The following ORAI2 variants were observed in gnomAD, a reference collection of about 807,000 sequenced individuals.
ORAI2 encodes the protein ORAI calcium release-activated calcium modulator 2.
Under a neutral mutation model 16.2 loss-of-function variants are expected in ORAI2, and 10 were observed. The ratio of observed to expected loss-of-function variants is 0.62; its 90% CI spans 0.38 to 1.04. The LOEUF (loss-of-function observed/expected upper bound fraction) is 1.04. Among genes scored for constraint, ORAI2 ranks in the 50% least tolerant of loss-of-function variants. The pLI is 0.01. For missense variants in ORAI2, 238 were observed against 355.5 expected (o/e 0.67, Z 2.66); for synonymous variants, 150 against 157.5 (o/e 0.95, Z 0.35).
rs538950325 is a variant in ORAI2 at position 102,440,528 on chromosome 7, ATTTGTTTTTTGT to A, written c.225+1357_225+1368del. Among the ~76,000 whole-genome samples the A allele has an allele frequency of 2.3e-3, 348 of 152,050 alleles. 2 individuals carry two copies. Among genetic ancestry groups the A allele is most frequent in the African/African-American group, 7.9e-3 (326 of 41,468 alleles). On this transcript the variant is annotated intron_variant, in intron 3 of 3. Transcript: ENST00000495936. ...AGGTCCTATTGGGTGGAAGTGATTT[ATTTGTTTTTTGT>A]TTTGTTTTTAGAGACAGGGTCCCAC...
intron 3 of ORAI2, among the ~76,000 whole-genome samples, chr7:102,445,971 CAG>C (rs1456120315): frequency 2.7e-5 from 4 of 150,520 alleles, no homozygotes; most frequent in African/African-American, 7.3e-5. Flanking sequence ...TCTTTTGAGA[CAG>C]AGTCTCACTG....
rs903307838 is a variant in ORAI2, at chr7:102,453,390, A to T, written c.*6338A>T. The T allele has an allele frequency of 6.6e-6, 1 of 152,090 alleles. No homozygotes were observed. Among genetic ancestry groups the T allele is most frequent in the African/African-American group, 2.4e-5 (1 of 41,392 alleles). The allele number at this position is 152,090 out of a possible 1,614,324, so 9.4% of individuals were successfully genotyped here. On this transcript the variant is annotated 3_prime_UTR_variant, in exon 4 of 4. Transcript: ENST00000495936. ...CCTCCTAAAGTGCTGGATTACAGGC[A>T]TGAGCCACCGTGCCAGGCCTTGTTA...
chr7:102,438,593 G>A (rs113181965), intron 2 of ORAI2, among the ~76,000 whole-genome samples: 8,279 of 152,212 alleles, frequency 0.054, 285 homozygotes, highest in Non-Finnish European at 0.075. Flanking sequence ...TGGCCAACAT[G>A]ATGAAACCCC....
intron 2 of ORAI2, among the ~76,000 whole-genome samples, chr7:102,436,796 C>T (rs956702648): frequency 1.3e-5 from 2 of 152,094 alleles, no homozygotes; most frequent in African/African-American, 2.4e-5. Flanking sequence ...CTGCAACCTC[C>T]GCCTTCTGGG....
At position 102,441,085 on chromosome 7, in the gene ORAI2, G is replaced by T. The variant is rs573287325; in HGVS notation, c.225+1904G>T. Among the ~76,000 whole-genome samples, 16 of 151,474 alleles carry T rather than the reference G, an allele frequency of 1.1e-4. 1 individual carries two copies. In the South Asian group the frequency reaches 3.3e-3, roughly 32 times the overall value. On this transcript the variant is annotated intron_variant, in intron 3 of 3. Transcript: ENST00000495936. ...TTTTGATATTCTTAGTAGAGATGGG[G>T]TTTCACCATGTTGGCCAGGCTGGGC... is the stretch of plus-strand genomic sequence containing the variant.
chr7:102,444,205 T>A (rs112043977), intron 3 of ORAI2, among the ~76,000 whole-genome samples: 128 of 152,270 alleles, frequency 8.4e-4, no homozygotes, highest in African/African-American at 3.0e-3. Flanking sequence ...CTGCAGCCTC[T>A]AACTCCGGGG....
At chr7:102,435,862 T>C (rs1048278379) in intron 1 of ORAI2, among the ~76,000 whole-genome samples, 1 of 152,146 alleles carries the variant, frequency 6.6e-6, no homozygotes, top group Non-Finnish European at 1.5e-5. Context: ...CTCGAACTCC[T>C]GACCTCTAGT....
chr7:102,443,125 CTTCTTCTTTTTT>C (rs1326590660), intron 3 of ORAI2, among the ~76,000 whole-genome samples: 6 of 26,622 alleles, frequency 2.3e-4, no homozygotes, highest in African/African-American at 4.4e-4. Flanking sequence ...TCTTCTTCTT[CTTCTTCTTTTTT>C]TTTTTTTTAA....
In ORAI2 at chr7:102,433,660, C is replaced by G. The variant is rs1323358299; in HGVS notation, c.-124C>G. On this transcript the variant is annotated splice_region_variant and 5_prime_UTR_variant, in exon 1 of 4. Transcript: ENST00000495936. This position sits in a 1 kb window ranked among gnomAD's most constrained non-coding sequence, Gnocchi z 4.6. ...GAGCCGGGCGGGGCGAGGGCAGCTCCGGTGAGTGTGGCGGCGCGGGGGCCT... is the reference window on the plus strand; with the variant it reads ...GAGCCGGGCGGGGCGAGGGCAGCTCGGGTGAGTGTGGCGGCGCGGGGGCCT... 1 of 151,560 alleles carries G rather than the reference C, an allele frequency of 6.6e-6. No homozygotes were observed. The highest frequency in any genetic ancestry group is 2.4e-5 in the African/African-American group (1 of 41,234). 9.4% of individuals were successfully genotyped at this position (151,560 alleles called of 1,614,324 possible). A position where few individuals can be genotyped will look rare whatever the true frequency, so the allele number is the denominator to read the frequency against.
chr7:102,440,717 T>C (rs563154857), intron 3 of ORAI2, among the ~76,000 whole-genome samples: 9 of 151,986 alleles, frequency 5.9e-5, no homozygotes, highest in Admixed American at 2.6e-4. Context: ...TTTTTCTTTT[T>C]TCAGAGACAA....
intron 2 of ORAI2, among the ~76,000 whole-genome samples, chr7:102,438,695 C>T (rs768997074): frequency 1.3e-5 from 2 of 151,918 alleles, no homozygotes; most frequent in Non-Finnish European, 2.9e-5. Context: ...ATTGCTTGAA[C>T]CTAGGAGCTG....
At chr7:102,445,297 GTT>G (rs112045195) in intron 3 of ORAI2, among the ~76,000 whole-genome samples, 22 of 134,368 alleles carry the variant, frequency 1.6e-4, no homozygotes, top group South Asian at 2.2e-4. Flanking sequence ...TCCGTTTTTT[GTT>G]TTTTTTTTTT....
In ORAI2 at chr7:102,439,047, C is replaced by T. The variant is rs376890782; in HGVS notation, c.91C>T (p.Arg31Cys). The T allele has an allele frequency of 1.9e-6, 3 of 1,613,868 alleles. No individual in the cohort carries two copies. The highest frequency in any genetic ancestry group is 1.7e-6 in the Non-Finnish European group (2 of 1,180,042). ...HKGMDYRDWV[R>C]RSYLELVTSN... Reference sequence around the variant, plus strand: ...GGGCATGGATTACCGGGACTGGGTCCGCCGCAGCTACCTGGAACTGGTCAC... The same window carrying T: ...GGGCATGGATTACCGGGACTGGGTCTGCCGCAGCTACCTGGAACTGGTCAC... The change falls in exon 3 of 4, where the codon CGC (arginine) becomes TGC (cysteine). Residue 31 changes from arginine (R) to cysteine (C), a missense_variant. Transcript: ENST00000495936.
intron 3 of ORAI2, among the ~76,000 whole-genome samples, chr7:102,441,852 G>A (rs928047031): frequency 4.6e-5 from 7 of 152,030 alleles, no homozygotes; most frequent in South Asian, 2.1e-4. Context: ...CGGTCAGATC[G>A]TTCTTCACAC....
Position 102,446,693 on chromosome 7 carries a change from G to A in ORAI2, c.406G>A (p.Glu136Lys), listed in dbSNP as rs765940069. The change falls in exon 4 of 4, where the codon GAG (glutamate) becomes AAG (lysine). Residue 136 changes from glutamate (E) to lysine (K), a missense_variant. Around this residue, in one of 3 missense-constraint regions of ORAI2, gnomAD observed 176 missense variants for 265.9 expected, o/e 0.66. Coordinates refer to ENST00000495936, the MANE Select transcript of ORAI2 (RefSeq NM_001126340.3). ...CATCCACAACCTGAACTCCATCAGC[G>A]AGTCCCCGCATGAGCGCATGCACCC... ...SNIHNLNSIS[E>K]SPHERMHPYI... is the part of the protein sequence containing the mutation. The A allele has an allele frequency of 5.6e-6, 9 of 1,614,178 alleles. No homozygotes were observed. Among genetic ancestry groups the A allele is most frequent in the South Asian group, 2.2e-5 (2 of 91,084 alleles).
At chr7:102,443,128 CTTCTTTTTTT>C (rs1191159977) in intron 3 of ORAI2, among the ~76,000 whole-genome samples, 1 of 24,884 alleles carries the variant, frequency 4.0e-5, no homozygotes, top group African/African-American at 8.1e-5. Flanking sequence ...TCTTCTTCTT[CTTCTTTTTTT>C]TTTTTTTAAT....
rs537863418 is a variant in ORAI2, at chr7:102,447,342, C to T, written c.*290C>T. The T allele has an allele frequency of 4.8e-6, 2 of 416,898 alleles. No homozygotes were observed. The highest frequency in any genetic ancestry group is 2.0e-5 in the African/African-American group (1 of 49,424). 25.8% of individuals were successfully genotyped at this position (416,898 alleles called of 1,614,324 possible). A position where few individuals can be genotyped will look rare whatever the true frequency, so the allele number is the denominator to read the frequency against. ...GCTCCAGCGGGACCTGCCCATCAGT[C>T]CTGGGCCAGGAGGGGCTCCAAGCAG... On this transcript the variant is annotated 3_prime_UTR_variant, in exon 4 of 4. Coordinates refer to ENST00000495936, the MANE Select transcript of ORAI2 (RefSeq NM_001126340.3).
At position 102,447,072 on chromosome 7, in the gene ORAI2, G is replaced by A. The variant is rs1392259863; in HGVS notation, c.*20G>A. 2.0e-6 allele frequency: 3 copies of A among 1,512,196 alleles called. No homozygotes were observed. In the South Asian group the frequency reaches 3.7e-5, roughly 19 times the overall value. The allele number at this position is 1,512,196 out of a possible 1,614,324, so 93.7% of individuals were successfully genotyped here. The stretch of plus-strand genomic sequence containing the variant: ...TTGTGAGGGGCCGAGGGCCGGGGCT[G>A]GGAGCGGCCCTGTGCCCGGGAGTCC... On this transcript the variant is annotated 3_prime_UTR_variant, in exon 4 of 4. Coordinates refer to ENST00000495936, the MANE Select transcript of ORAI2 (RefSeq NM_001126340.3).
rs756482440 is a variant in ORAI2 at position 102,446,499 on chromosome 7, T to C, written c.226-14T>C. ...CTCTCCACACCCAGCACCACTCGTCTGCTGTCCCCGCAGGTGGCCATGGTG... is the reference window on the plus strand; with the variant it reads ...CTCTCCACACCCAGCACCACTCGTCCGCTGTCCCCGCAGGTGGCCATGGTG... On this transcript the variant is annotated splice_polypyrimidine_tract_variant and intron_variant, in intron 3 of 3. Coordinates refer to ENST00000495936, the MANE Select transcript of ORAI2 (RefSeq NM_001126340.3). 5.6e-6 allele frequency: 9 copies of C among 1,598,254 alleles called. No individual in the cohort carries two copies. The highest frequency in any genetic ancestry group is 7.7e-6 in the Non-Finnish European group (9 of 1,173,258).
Sources: gnomAD v4.1 joint callset for allele counts (sites outside exome capture counted in the v4.1 genomes callset) on GRCh38, gnomAD v4.1.1 for gene constraint, gnomAD v4.1.1 regional missense constraint, Gnocchi (gnomAD v3.1) non-coding constraint, MANE v1.5 for transcripts, NCBI Gene and HGNC (gene_info 2026-07-23, HGNC 2026-07-21) for gene names.